The following CALN1 variants were observed in gnomAD, a reference collection of about 807,000 sequenced individuals.
CALN1 encodes the protein calneuron 1, also known as calcium-binding protein 8.
Under a neutral mutation model 30.6 loss-of-function variants are expected in CALN1, and 17 were observed. The observed-to-expected ratio is 0.56, with a 90% CI of 0.38 to 0.83. The LOEUF is 0.83. Among genes scored for constraint, CALN1 ranks in the 40% least tolerant of loss-of-function variants. The pLI is 0.00. For missense variants in CALN1, 291 were observed against 354.9 expected (o/e 0.82, Z 1.45); for synonymous variants, 156 against 131.4 (o/e 1.19, Z -1.28).
intron 6 of CALN1, among the ~76,000 whole-genome samples, chr7:71,795,889 G>A (rs1468420722): frequency 7.0e-6 from 1 of 142,436 alleles, no homozygotes; most frequent in African/African-American, 2.8e-5. Flanking sequence ...CACCATCTCG[G>A]CTCACTGCAA....
intron 3 of CALN1, among the ~76,000 whole-genome samples, chr7:72,183,741 C>A (rs1385951771): frequency 2.0e-5 from 3 of 152,126 alleles, no homozygotes; most frequent in East Asian, 1.9e-4. Context: ...ACATGCAGGG[C>A]AACTCACATT....
At position 72,365,444 on chromosome 7, in the gene CALN1, C is replaced by G. The variant is rs549266019; in HGVS notation, c.119+37807G>C. 9.4e-4 allele frequency among the ~76,000 whole-genome samples: 143 copies of G among 152,128 alleles called. 1 individual carries two copies. The highest frequency in any genetic ancestry group is 3.3e-3 in the African/African-American group (136 of 41,514). On this transcript the variant is annotated intron_variant, in intron 2 of 6. Coordinates refer to ENST00000395275, the MANE Select transcript of CALN1 (RefSeq NM_031468.4). ...GTGCATAAAATGAGAAATACGTTTTCTAAAAAATGTTTATTTTTTGAATAG... is the reference window on the plus strand; with the variant it reads ...GTGCATAAAATGAGAAATACGTTTTGTAAAAAATGTTTATTTTTTGAATAG...
At chr7:71,830,681 A>G (rs1789219955) in intron 5 of CALN1, among the ~76,000 whole-genome samples, 1 of 152,188 alleles carries the variant, frequency 6.6e-6, no homozygotes, top group African/African-American at 2.4e-5. Context: ...TAAACTGAGA[A>G]AAAGTCCTCG....
At chr7:71,936,945 A>G (rs890911524) in intron 5 of CALN1, among the ~76,000 whole-genome samples, 14 of 151,916 alleles carry the variant, frequency 9.2e-5, no homozygotes, top group African/African-American at 3.2e-4. Flanking sequence ...GCCACCATAT[A>G]AGAAGTGCCT....
At chr7:72,345,027 G>A (rs1354865055) in intron 2 of CALN1, among the ~76,000 whole-genome samples, 1 of 147,190 alleles carries the variant, frequency 6.8e-6, no homozygotes, top group Non-Finnish European at 1.5e-5. Context: ...ACAATATAAT[G>A]GCACATGTTA....
the CALN1 span, among the ~76,000 whole-genome samples, chr7:72,504,015 G>A: frequency 2.0e-5 from 3 of 152,238 alleles, no homozygotes; most frequent in Middle Eastern, 3.4e-3. Context: ...GGGAGGAAGG[G>A]AGAGAGAGGA....
At chr7:71,813,930 C>CAAAAAA (rs540550294) in intron 5 of CALN1, among the ~76,000 whole-genome samples, 1 of 68,568 alleles carries the variant, frequency 1.5e-5, no homozygotes. Context: ...GACTCTGTTG[C>CAAAAAA]AAAAAAAAAA....
intron 3 of CALN1, among the ~76,000 whole-genome samples, chr7:72,197,380 T>G (rs1233521357): frequency 2.0e-5 from 3 of 151,972 alleles, no homozygotes; most frequent in Non-Finnish European, 4.4e-5. Flanking sequence ...TTTTGTATTT[T>G]TAGTAGAGAC....
chr7:71,941,466 C>A (rs1440218803), intron 5 of CALN1, among the ~76,000 whole-genome samples: 1 of 151,714 alleles, frequency 6.6e-6, no homozygotes, highest in Non-Finnish European at 1.5e-5. Flanking sequence ...ACCTAGATAA[C>A]AAGACAGCAG....
chr7:71,886,118 A>G (rs930571157), intron 5 of CALN1, among the ~76,000 whole-genome samples: 1 of 152,266 alleles, frequency 6.6e-6, no homozygotes, highest in Non-Finnish European at 1.5e-5. Flanking sequence ...GCACACTGTT[A>G]ACACAAATCC....
At chr7:72,148,209 G>A (rs906513754) in intron 3 of CALN1, among the ~76,000 whole-genome samples, 7 of 149,822 alleles carry the variant, frequency 4.7e-5, no homozygotes, top group Admixed American at 3.3e-4. Flanking sequence ...TGTTTGGATC[G>A]TGAATGGATT....
chr7:72,232,302 G>A (rs568369561), intron 3 of CALN1, among the ~76,000 whole-genome samples: 20 of 152,196 alleles, frequency 1.3e-4, no homozygotes, highest in Admixed American at 8.5e-4. Flanking sequence ...ATCCAGGTCC[G>A]GGAAGAAGAC....
intron 3 of CALN1, among the ~76,000 whole-genome samples, chr7:72,122,507 T>C (rs1584987863): frequency 6.6e-6 from 1 of 152,064 alleles, no homozygotes; most frequent in South Asian, 2.1e-4. Context: ...GAGGCCAAGG[T>C]GTGAGGATGA....
chr7:72,295,076 G>C (rs973420458), intron 2 of CALN1, among the ~76,000 whole-genome samples: 1 of 152,100 alleles, frequency 6.6e-6, no homozygotes, highest in Non-Finnish European at 1.5e-5. Context: ...CTGGGCAGAT[G>C]ATGGGTGCAC....
chr7:72,375,090 ATTAAT>A (rs1293763595), intron 2 of CALN1, among the ~76,000 whole-genome samples: 1 of 152,218 alleles, frequency 6.6e-6, no homozygotes, highest in Non-Finnish European at 1.5e-5. Flanking sequence ...TGGTAGTTGT[ATTAAT>A]TTGTTATTGC....
At chr7:72,297,885 T>G (rs1462629705) in intron 2 of CALN1, among the ~76,000 whole-genome samples, 2 of 152,212 alleles carry the variant, frequency 1.3e-5, no homozygotes, top group Non-Finnish European at 2.9e-5. Context: ...ATTTTCATAT[T>G]TTTAACAAAT....
At chr7:72,424,978 T>C (rs1220573191) in intron 1 of CALN1, among the ~76,000 whole-genome samples, 1 of 152,174 alleles carries the variant, frequency 6.6e-6, no homozygotes, top group Non-Finnish European at 1.5e-5. Context: ...GTTTCTCTCC[T>C]GAGCCTGAGG....
At chr7:71,915,119 C>T (rs961092558) in intron 5 of CALN1, among the ~76,000 whole-genome samples, 2 of 152,174 alleles carry the variant, frequency 1.3e-5, no homozygotes, top group African/African-American at 2.4e-5. Context: ...TCCAGGTCAA[C>T]GTTCAAGAAG....
the CALN1 span, among the ~76,000 whole-genome samples, chr7:72,481,445 CTTTTCTG>C: frequency 6.6e-6 from 1 of 152,104 alleles, no homozygotes; most frequent in Admixed American, 6.6e-5. Context: ...TTCTCTGTTG[CTTTTCTG>C]TTTTCTATTT....
Sources: gnomAD v4.1 joint callset for allele counts (sites outside exome capture counted in the v4.1 genomes callset) on GRCh38, gnomAD v4.1.1 for gene constraint, MANE v1.5 for transcripts, NCBI Gene and HGNC (gene_info 2026-07-23, HGNC 2026-07-21) for gene names.